ROBO1: variants seen among roughly 807,000 people sequenced by gnomAD.
ROBO1 encodes the protein roundabout homolog 1.
ROBO1 carries 149 observed loss-of-function variants against 195.9 expected under a neutral mutation model. The observed-to-expected ratio is 0.76, with a 90% confidence interval of 0.67 to 0.87. The LOEUF (loss-of-function observed/expected upper bound fraction) is 0.87. ROBO1 is among the 40% of genes least tolerant of loss of function. The probability of loss-of-function intolerance (pLI) is 0.00; values close to 1 mark genes in which losing one functional copy is unlikely to be tolerated. For synonymous variants in ROBO1, 816 were observed against 733.2 expected (o/e 1.11, Z -1.82); for missense variants, 1,933 against 2,068.3 (o/e 0.93, Z 1.27).
Position 78,651,898 on chromosome 3 carries a change from G to C in ROBO1, c.2646C>G (p.Asp882Glu). 6.2e-7 allele frequency: 1 copy of C among 1,613,220 alleles called. No homozygotes were observed. The highest frequency in any genetic ancestry group is 8.5e-7 in the Non-Finnish European group (1 of 1,179,530). ...DAHGNPVSPE[D>E]QVSLAQQISD... is the part of the protein sequence containing the mutation. ...AAATCTGCTGAGCGAGGCTGACTTG[G>C]TCCTCAGGTGACACAGGGTTTCCAT... The change falls in exon 19 of 31, where the codon GAC becomes GAG. Residue 882 changes from aspartate to glutamate, a missense_variant. Around this residue, in one of 3 missense-constraint regions of ROBO1, gnomAD observed 1,737 missense variants for 1,882.5 expected, o/e 0.92. Coordinates refer to ENST00000464233, the MANE Select transcript of ROBO1 (RefSeq NM_002941.4).
At chr3:79,214,590 T>C (rs957266388) in intron 2 of ROBO1, among the ~76,000 whole-genome samples, 8 of 151,894 alleles carry the variant, frequency 5.3e-5, no homozygotes, top group African/African-American at 9.7e-5. Flanking sequence ...GCTCAACCAA[T>C]GTTAACTTAG....
chr3:79,486,343 C>T (rs1340280442), intron 2 of ROBO1, among the ~76,000 whole-genome samples: 2 of 151,920 alleles, frequency 1.3e-5, no homozygotes, highest in East Asian at 1.9e-4. Context: ...AAAGAGATTC[C>T]TTTATATATA....
intron 29 of ROBO1, among the ~76,000 whole-genome samples, chr3:78,605,507 G>A (rs1036662484): frequency 1.3e-5 from 2 of 152,142 alleles, no homozygotes; most frequent in African/African-American, 4.8e-5. Flanking sequence ...TTTTCTTCCT[G>A]GATAGCTGAT....
At chr3:79,242,990 C>A (rs866663002) in intron 2 of ROBO1, among the ~76,000 whole-genome samples, 4 of 127,550 alleles carry the variant, frequency 3.1e-5, no homozygotes, top group Admixed American at 8.0e-5. Flanking sequence ...CCCTCCCCCC[C>A]ACCCCACAAC....
intron 3 of ROBO1, among the ~76,000 whole-genome samples, chr3:78,965,251 G>T (rs2076616342): frequency 6.6e-6 from 1 of 151,916 alleles, no homozygotes; most frequent in Non-Finnish European, 1.5e-5. Context: ...AATACATTTA[G>T]GAAAATTCTA....
intron 4 of ROBO1, among the ~76,000 whole-genome samples, chr3:78,909,262 A>G (rs894381924): frequency 6.6e-6 from 1 of 151,876 alleles, no homozygotes; most frequent in African/African-American, 2.4e-5. Flanking sequence ...AAAAATTCAC[A>G]TTAAATTTAA....
chr3:79,006,698 T>C (rs1333163920), intron 3 of ROBO1, among the ~76,000 whole-genome samples: 1 of 150,128 alleles, frequency 6.7e-6, no homozygotes, highest in African/African-American at 2.5e-5. Context: ...ATACAAGCAC[T>C]TCCTTTCTTA....
chr3:78,720,042 T>G (rs1248230532), intron 5 of ROBO1, among the ~76,000 whole-genome samples: 4 of 152,182 alleles, frequency 2.6e-5, no homozygotes, highest in Non-Finnish European at 5.9e-5. Flanking sequence ...CACTTTTCAC[T>G]AAAGGGAACA....
rs542815560 is a variant in ROBO1 at position 78,945,512 on chromosome 3, C to T, written c.173-6585G>A. ...AGAAAGGACATCCACACCAAAAACCCATCTGTACCTCACCATCATCAAAGA... is the reference window on the plus strand; with the variant it reads ...AGAAAGGACATCCACACCAAAAACCTATCTGTACCTCACCATCATCAAAGA... On this transcript the variant is annotated intron_variant, in intron 3 of 30. Coordinates refer to ENST00000464233, the MANE Select transcript of ROBO1 (RefSeq NM_002941.4). 2.0e-5 allele frequency among the ~76,000 whole-genome samples: 3 copies of T among 152,208 alleles called. No individual in the cohort carries two copies. In the East Asian group the frequency reaches 5.8e-4, roughly 29 times the overall value.
chr3:79,747,407 T>C (rs1054794912), intron 1 of ROBO1, among the ~76,000 whole-genome samples: 1 of 152,064 alleles, frequency 6.6e-6, no homozygotes, highest in Non-Finnish European at 1.5e-5. Context: ...GGATAAATTA[T>C]ATTTTTATGG....
intron 8 of ROBO1, among the ~76,000 whole-genome samples, chr3:78,712,957 A>G (rs2081801052): frequency 6.6e-6 from 1 of 152,136 alleles, no homozygotes; most frequent in African/African-American, 2.4e-5. Flanking sequence ...CCTTATCACA[A>G]TTGCCTGGAG....
At chr3:79,575,355 A>G (rs1193998065) in intron 2 of ROBO1, among the ~76,000 whole-genome samples, 1 of 128,870 alleles carries the variant, frequency 7.8e-6, no homozygotes, top group East Asian at 2.1e-4. Flanking sequence ...ATATATATAA[A>G]TATGTATATA....
At chr3:79,581,340 A>G (rs946703516) in intron 2 of ROBO1, among the ~76,000 whole-genome samples, 9 of 152,098 alleles carry the variant, frequency 5.9e-5, no homozygotes, top group African/African-American at 2.2e-4. Flanking sequence ...AATTAGGTGG[A>G]CCGTGTGGCA....
intron 21 of ROBO1, among the ~76,000 whole-genome samples, chr3:78,645,215 CT>C (rs940228487): frequency 6.6e-6 from 1 of 151,222 alleles, no homozygotes. Flanking sequence ...GGTCAACCTT[CT>C]TTTTTTTTAA....
intron 3 of ROBO1, among the ~76,000 whole-genome samples, chr3:79,098,028 A>G (rs1266964709): frequency 1.3e-5 from 2 of 151,800 alleles, no homozygotes; most frequent in African/African-American, 4.8e-5. Context: ...TACTTATAAG[A>G]GTTACTCATC....
Position 79,152,593 on chromosome 3 carries a change from G to A in ROBO1, c.89-27054C>T, listed in dbSNP as rs543168073. ...ATTGTATAATAATCATTCATTATAC[G>A]CAATGACTATTTATTGTACTTCTAT... On this transcript the variant is annotated intron_variant, in intron 2 of 30. Transcript: ENST00000464233. Among the ~76,000 whole-genome samples, 13 of 151,796 alleles carry A rather than the reference G, an allele frequency of 8.6e-5. No homozygotes were observed. The East Asian group carries it at 1.4e-3, about 16-fold the overall frequency.
chr3:78,884,866 C>CTGTGTGTGTGTGTGTGTG (rs376764608), intron 4 of ROBO1, among the ~76,000 whole-genome samples: 26 of 147,182 alleles, frequency 1.8e-4, no homozygotes, highest in African/African-American at 5.3e-4. Context: ...CTCTCTCTTT[C>CTGTGTGTGTGTGTGTGTG]TGTGTGTGTG....
chr3:78,780,489 T>G (rs761606685), intron 4 of ROBO1, among the ~76,000 whole-genome samples: 8 of 152,076 alleles, frequency 5.3e-5, no homozygotes, highest in Admixed American at 1.3e-4. Flanking sequence ...ATGCATGCCC[T>G]TATCTCTCCT....
At chr3:79,212,770 A>G (rs905542763) in intron 2 of ROBO1, among the ~76,000 whole-genome samples, 13 of 151,888 alleles carry the variant, frequency 8.6e-5, no homozygotes, top group East Asian at 3.9e-4. Context: ...CAATGACCTA[A>G]GATCTCACCA....
Sources: gnomAD v4.1 joint callset for allele counts (sites outside exome capture counted in the v4.1 genomes callset) on GRCh38, gnomAD v4.1.1 for gene constraint, gnomAD v4.1.1 regional missense constraint, MANE v1.5 for transcripts, NCBI Gene and HGNC (gene_info 2026-07-23, HGNC 2026-07-21) for gene names.